The following CNTN5 variants were observed in gnomAD, a reference collection of about 807,000 sequenced individuals.
The protein encoded by CNTN5 is contactin 5.
Under a neutral mutation model 129.1 loss-of-function variants are expected in CNTN5, and 77 were observed. That is an observed-to-expected ratio of 0.60 (90% CI 0.50 to 0.72). The LOEUF (loss-of-function observed/expected upper bound fraction) is 0.72. Ranked by LOEUF, CNTN5 falls within the 30% of genes least tolerant of loss-of-function variation. CNTN5 has a pLI of 0.00. For missense variants in CNTN5, 1,478 were observed against 1,328.8 expected (o/e 1.11, Z -1.75); for synonymous variants, 509 against 465.6 (o/e 1.09, Z -1.20).
chr11:99,144,103 A>C (rs1033142991), intron 1 of CNTN5, among the ~76,000 whole-genome samples: 1 of 152,160 alleles, frequency 6.6e-6, no homozygotes, highest in East Asian at 1.9e-4. Flanking sequence ...TTACATATGA[A>C]ATACATTATT....
chr11:99,507,535 G>A (rs1946673389), intron 2 of CNTN5, among the ~76,000 whole-genome samples: 1 of 152,054 alleles, frequency 6.6e-6, no homozygotes, highest in Non-Finnish European at 1.5e-5. Flanking sequence ...AAAATGGGTT[G>A]TGATGTGTAG....
chr11:99,124,863 A>G (rs567370290), intron 1 of CNTN5, among the ~76,000 whole-genome samples: 87 of 152,178 alleles, frequency 5.7e-4, no homozygotes, highest in African/African-American at 2.1e-3. Flanking sequence ...TAGAAAAGCT[A>G]GAAAAAAATG....
intron 13 of CNTN5, among the ~76,000 whole-genome samples, chr11:100,178,172 C>A (rs1459368204): frequency 6.6e-6 from 1 of 152,120 alleles, no homozygotes; most frequent in Non-Finnish European, 1.5e-5. Context: ...TTGTGCTCTT[C>A]ATTAGTAGCT....
At chr11:99,829,607 G>C (rs1018720991) in intron 4 of CNTN5, among the ~76,000 whole-genome samples, 3 of 152,164 alleles carry the variant, frequency 2.0e-5, no homozygotes, top group Admixed American at 2.0e-4. Context: ...TTTTCAACCC[G>C]ATACTGTTAT....
chr11:99,132,567 A>G lies in CNTN5; in HGVS notation c.-210+111297A>G, dbSNP rs113442560. On this transcript the variant is annotated intron_variant, in intron 1 of 24. Transcript: ENST00000524871. ...CAACTTCAGTAAAGTCTCAGGATAC[A>G]CAATCAATGTGCAGAAATCACAAGC... 9.8e-5 allele frequency among the ~76,000 whole-genome samples: 15 copies of G among 152,296 alleles called. 1 individual carries two copies. The highest frequency in any genetic ancestry group is 3.1e-4 in the African/African-American group (13 of 41,568).
chr11:99,447,124 T>A (rs17663178), intron 2 of CNTN5, among the ~76,000 whole-genome samples: 6,349 of 152,282 alleles, frequency 0.042, 193 homozygotes, highest in South Asian at 0.078. Context: ...GACAGACTGA[T>A]TAGCCTTGAT....
At chr11:99,424,945 G>A (rs2135072582) in intron 2 of CNTN5, among the ~76,000 whole-genome samples, 1 of 152,326 alleles carries the variant, frequency 6.6e-6, no homozygotes, top group South Asian at 2.1e-4. Flanking sequence ...AAAGTGGGTT[G>A]CTCCTTTCCA....
chr11:99,891,510 G>A (rs1292163512), intron 6 of CNTN5, among the ~76,000 whole-genome samples: 1 of 151,900 alleles, frequency 6.6e-6, no homozygotes, highest in East Asian at 1.9e-4. Context: ...GCCCAGGTAT[G>A]TAATGTTCCC....
Position 99,849,650 on chromosome 11 carries a change from T to C in CNTN5, c.577+4388T>C, listed in dbSNP as rs959195615. ...TGCTAAACCAGATAGTAAAAAATAT[T>C]TTTTAAAAATAGGTTTTGAATGTCT... is the stretch of plus-strand genomic sequence containing the variant. On this transcript the variant is annotated intron_variant, in intron 6 of 24. Coordinates refer to ENST00000524871, the MANE Select transcript of CNTN5 (RefSeq NM_014361.4). Among the ~76,000 whole-genome samples the C allele has an allele frequency of 5.9e-5, 9 of 152,108 alleles. 1 individual carries two copies. Among genetic ancestry groups the C allele is most frequent in the African/African-American group, 2.2e-4 (9 of 41,436 alleles).
chr11:100,127,222 G>T (rs910856600), intron 13 of CNTN5, among the ~76,000 whole-genome samples: 2 of 150,112 alleles, frequency 1.3e-5, no homozygotes, highest in African/African-American at 4.9e-5. Flanking sequence ...TTATAGGCAT[G>T]AGCCACAGCA....
At chr11:100,201,363 T>C (rs1298873725) in intron 15 of CNTN5, among the ~76,000 whole-genome samples, 1 of 151,870 alleles carries the variant, frequency 6.6e-6, no homozygotes, top group Non-Finnish European at 1.5e-5. Flanking sequence ...GTCTTAATTA[T>C]ATACATGCTA....
chr11:99,698,989 C>G (rs1210003818), intron 3 of CNTN5, among the ~76,000 whole-genome samples: 2 of 149,424 alleles, frequency 1.3e-5, no homozygotes, highest in Non-Finnish European at 3.0e-5. Flanking sequence ...AAAATTAAAA[C>G]TTTTTTTTCC....
At chr11:99,975,706 C>G (rs1263159557) in intron 8 of CNTN5, among the ~76,000 whole-genome samples, 1 of 152,006 alleles carries the variant, frequency 6.6e-6, no homozygotes, top group Non-Finnish European at 1.5e-5. Context: ...CTCTACCACC[C>G]CCCTGATCCA....
At chr11:100,000,969 GC>G (rs1280194862) in intron 8 of CNTN5, among the ~76,000 whole-genome samples, 1 of 152,136 alleles carries the variant, frequency 6.6e-6, no homozygotes, top group Non-Finnish European at 1.5e-5. Context: ...GAGAAGTGGG[GC>G]CCCAGGCTGG....
At chr11:99,743,745 A>G (rs1269571012) in intron 3 of CNTN5, among the ~76,000 whole-genome samples, 2 of 152,166 alleles carry the variant, frequency 1.3e-5, no homozygotes, top group Non-Finnish European at 2.9e-5. Flanking sequence ...TTGTAAAATC[A>G]TAAATGTAAA....
At chr11:99,333,207 C>T (rs916659048) in intron 2 of CNTN5, among the ~76,000 whole-genome samples, 10 of 151,870 alleles carry the variant, frequency 6.6e-5, no homozygotes, top group Non-Finnish European at 1.3e-4. Context: ...GTTTACTATT[C>T]AAACAATTTT....
chr11:99,117,602 C>T (rs1278395132), intron 1 of CNTN5, among the ~76,000 whole-genome samples: 1 of 152,074 alleles, frequency 6.6e-6, no homozygotes, highest in Non-Finnish European at 1.5e-5. Flanking sequence ...GTTTATTTCC[C>T]TCCAAAATTC....
At chr11:99,787,075 C>T (rs142994708) in intron 3 of CNTN5, among the ~76,000 whole-genome samples, 70 of 137,356 alleles carry the variant, frequency 5.1e-4, no homozygotes, top group African/African-American at 1.9e-3. Flanking sequence ...TTTTCATTTG[C>T]TTCTGAAACT....
At chr11:99,443,817 T>A (rs1943940037) in intron 2 of CNTN5, among the ~76,000 whole-genome samples, 1 of 152,174 alleles carries the variant, frequency 6.6e-6, no homozygotes, top group Admixed American at 6.5e-5. Context: ...CAGATAGGAA[T>A]GCCAGTGGTG....
Sources: allele counts gnomAD v4.1 joint callset (sites outside exome capture counted in the v4.1 genomes callset), GRCh38; gene constraint gnomAD v4.1.1; transcripts MANE v1.5; gene names NCBI Gene and HGNC (gene_info 2026-07-23, HGNC 2026-07-21).